ITSN1: variants seen among roughly 807,000 people sequenced by gnomAD.
ITSN1 encodes intersectin-1.
ITSN1 carries 58 observed loss-of-function variants against 239.8 expected under a neutral mutation model. The ratio of observed to expected loss-of-function variants is 0.24; its 90% CI spans 0.20 to 0.30. The LOEUF (loss-of-function observed/expected upper bound fraction) is 0.30, where lower values mean the gene tolerates loss of function less well. ITSN1 is among the 10% of genes least tolerant of loss of function. The probability of loss-of-function intolerance (pLI) is 1.00; values close to 1 mark genes in which losing one functional copy is unlikely to be tolerated. For synonymous variants in ITSN1, 780 were observed against 770.8 expected (o/e 1.01, Z -0.20); for missense variants, 1,558 against 2,103.3 (o/e 0.74, Z 5.07).
chr21:33,788,239 G>T (rs562859981), intron 16 of ITSN1, among the ~76,000 whole-genome samples: 66 of 152,190 alleles, frequency 4.3e-4, no homozygotes, highest in African/African-American at 1.4e-3. Context: ...TATTACTATT[G>T]CAGAGAGGAC....
intron 4 of ITSN1, among the ~76,000 whole-genome samples, chr21:33,724,721 C>T (rs918646630): frequency 6.6e-6 from 1 of 152,262 alleles, no homozygotes; most frequent in Non-Finnish European, 1.5e-5. Context: ...TTTACTGAAA[C>T]GGCAGTCTAG....
At chr21:33,885,952 A>AT (rs11422887) in intron 38 of ITSN1, among the ~76,000 whole-genome samples, 8,151 of 152,172 alleles carry the variant, frequency 0.054, 716 homozygotes, top group African/African-American at 0.18. Flanking sequence ...CACACCTGTA[A>AT]TCCCAGTGCT....
chr21:33,824,886 C>T (rs1318808755), intron 25 of ITSN1, among the ~76,000 whole-genome samples: 1 of 152,124 alleles, frequency 6.6e-6, no homozygotes, highest in African/African-American at 2.4e-5. Context: ...GGCAGAAGCC[C>T]GGAAGAAAGT....
chr21:33,793,190 G>A (rs918910124), intron 16 of ITSN1, among the ~76,000 whole-genome samples: 15 of 152,054 alleles, frequency 9.9e-5, no homozygotes, highest in East Asian at 1.9e-4. Flanking sequence ...CAGACAAACC[G>A]TCTACCTTTG....
chr21:33,747,653 A>C (rs1458119690), intron 5 of ITSN1, among the ~76,000 whole-genome samples: 1 of 152,234 alleles, frequency 6.6e-6, no homozygotes, highest in Non-Finnish European at 1.5e-5. Flanking sequence ...TGTAATTGAA[A>C]ACAATGGAGG....
At chr21:33,818,956 G>A (rs2073468037) in intron 23 of ITSN1, among the ~76,000 whole-genome samples, 1 of 152,152 alleles carries the variant, frequency 6.6e-6, no homozygotes, top group Non-Finnish European at 1.5e-5. Context: ...GATGAAAATA[G>A]CAAAAATATT....
intron 38 of ITSN1, 117 bp from the exon 39 acceptor site, chr21:33,886,170 C>T: frequency 1.3e-6 from 1 of 794,686 alleles, no homozygotes; most frequent in Non-Finnish European, 2.0e-6. Flanking sequence ...TGAGATCATA[C>T]CACTGCACTG....
Position 33,799,798 on chromosome 21 carries a change from T to C in ITSN1, c.2183-10T>C. 2 of 1,612,874 alleles carry C rather than the reference T, an allele frequency of 1.2e-6. No individual in the cohort carries two copies. Among genetic ancestry groups the C allele is most frequent in the Non-Finnish European group, 1.7e-6 (2 of 1,179,598 alleles). ...TTATTTTTGTCCCCCCCACCTTTTT[T>C]TGTAAACAGAAAAAGGTCCACTTAC... On this transcript the variant is annotated splice_polypyrimidine_tract_variant and intron_variant, in intron 18 of 39. Transcript: ENST00000381318.
chr21:33,781,141 A>G (rs2147885098), intron 14 of ITSN1, among the ~76,000 whole-genome samples: 1 of 152,336 alleles, frequency 6.6e-6, no homozygotes, highest in East Asian at 1.9e-4. Flanking sequence ...TCCCGGTGCC[A>G]TTGGAAGATC....
At chr21:33,874,774 G>A (rs1010599325) in intron 33 of ITSN1, among the ~76,000 whole-genome samples, 3 of 149,860 alleles carry the variant, frequency 2.0e-5, no homozygotes, top group Admixed American at 6.7e-5. Flanking sequence ...TCAGCCCCCC[G>A]AGTAGCTGGG....
At chr21:33,790,833 T>A (rs978933572) in intron 16 of ITSN1, among the ~76,000 whole-genome samples, 2 of 152,186 alleles carry the variant, frequency 1.3e-5, no homozygotes, top group Non-Finnish European at 2.9e-5. Flanking sequence ...GATATGTAAT[T>A]TAATGGCACT....
At chr21:33,699,872 C>G (rs1437279335) in intron 1 of ITSN1, among the ~76,000 whole-genome samples, 3 of 152,172 alleles carry the variant, frequency 2.0e-5, no homozygotes, top group African/African-American at 7.2e-5. Context: ...GCATTTTTTC[C>G]TGCCTCAGCC....
At chr21:33,838,547 G>A (rs527738361) in intron 29 of ITSN1, 3 of 769,524 alleles carry the variant, frequency 3.9e-6, no homozygotes, top group South Asian at 5.9e-5. Flanking sequence ...CAGTGGTGGT[G>A]AGGAACCAAG....
rs530240890 is a variant in ITSN1 at position 33,890,480 on chromosome 21, G to A, written c.*2180G>A. 2.6e-5 allele frequency: 4 copies of A among 152,348 alleles called. No homozygotes were observed. Among genetic ancestry groups the A allele is most frequent in the African/African-American group, 9.6e-5 (4 of 41,586 alleles). The allele number at this position is 152,348 out of a possible 1,614,324, so 9.4% of individuals were successfully genotyped here. ...TTAATGTAGCATGAGAAAGCAATAT[G>A]TGACTCTTTTTCCTCAAGTGACTCT... is the stretch of plus-strand genomic sequence containing the variant. On this transcript the variant is annotated 3_prime_UTR_variant, in exon 40 of 40. Transcript: ENST00000381318.
At chr21:33,746,798 C>T (rs1011869959) in intron 5 of ITSN1, among the ~76,000 whole-genome samples, 19 of 152,004 alleles carry the variant, frequency 1.2e-4, no homozygotes, top group African/African-American at 3.6e-4. Context: ...GACGAAATTG[C>T]GCCATTATAC....
chr21:33,866,157 G>A (rs1981535899), intron 32 of ITSN1, among the ~76,000 whole-genome samples: 1 of 152,240 alleles, frequency 6.6e-6, no homozygotes, highest in African/African-American at 2.4e-5. Context: ...TGGAATCACT[G>A]TGGTGAGGCA....
intron 1 of ITSN1, among the ~76,000 whole-genome samples, chr21:33,688,165 G>A (rs1203884795): frequency 6.6e-6 from 1 of 151,766 alleles, no homozygotes; most frequent in Non-Finnish European, 1.5e-5. Context: ...CTGTTAGAAC[G>A]CTGGATAATG....
At chr21:33,849,769 C>T (rs544424317) in intron 29 of ITSN1, among the ~76,000 whole-genome samples, 9 of 152,196 alleles carry the variant, frequency 5.9e-5, no homozygotes, top group East Asian at 1.9e-4. Context: ...AGCTCAGGTG[C>T]GCCATAAATA....
chr21:33,709,957 C>T (rs540221563), intron 1 of ITSN1, among the ~76,000 whole-genome samples: 1 of 152,174 alleles, frequency 6.6e-6, no homozygotes, highest in African/African-American at 2.4e-5. Flanking sequence ...TTCCTGATCT[C>T]AGGCTGAGAA....
Sources: gnomAD v4.1 joint callset for allele counts (sites outside exome capture counted in the v4.1 genomes callset) on GRCh38, gnomAD v4.1.1 for gene constraint, MANE v1.5 for transcripts, NCBI Gene and HGNC (gene_info 2026-07-23, HGNC 2026-07-21) for gene names.